CCDC180: variants seen among roughly 807,000 people sequenced by gnomAD.
CCDC180 encodes coiled-coil domain containing 180.
In CCDC180, 154 loss-of-function variants were observed where a neutral mutation model predicts 209.2. That is an observed-to-expected ratio of 0.74 (90% CI 0.65 to 0.84). The LOEUF (loss-of-function observed/expected upper bound fraction) is 0.84. CCDC180 is among the 40% of genes least tolerant of loss of function. CCDC180 has a pLI of 0.00. For missense variants in CCDC180, 1,874 were observed against 1,997.3 expected (o/e 0.94, Z 1.18); for synonymous variants, 778 against 749.1 (o/e 1.04, Z -0.63).
At chr9:97,311,940 G>A (rs868709412) in intron 3 of CCDC180, among the ~76,000 whole-genome samples, 173 bp from the exon 4 acceptor site, 1 of 152,152 alleles carries the variant, frequency 6.6e-6, no homozygotes, top group Admixed American at 6.5e-5. Flanking sequence ...CCCAGGCGGC[G>A]TTTGTTGGGA....
rs902394179 is a variant in CCDC180, at chr9:97,317,143, C to G, written c.874C>G (p.Gln292Glu). 46 of 1,613,412 alleles carry G rather than the reference C, an allele frequency of 2.9e-5. No individual in the cohort carries two copies. The highest frequency in any genetic ancestry group is 3.8e-5 in the Non-Finnish European group (45 of 1,179,876). ...CAACCTGATGGAGTCCACCCTGCAG[C>G]AGGAGCTGGACAGCCGCCACCGCTG... ...FVNLMESTLQ[Q>E]ELDSRHRWQG... Residue 292 changes from glutamine (Q) to glutamate (E), a missense_variant, in exon 9 of 37, where the codon CAG becomes GAG. Coordinates refer to ENST00000529487, the MANE Select transcript of CCDC180 (RefSeq NM_020893.6).
At chr9:97,328,206 T>C in intron 16 of CCDC180, 60 bp downstream of exon 16, 1 of 1,574,268 alleles carries the variant, frequency 6.4e-7, no homozygotes, top group African/African-American at 1.4e-5. Flanking sequence ...AGAGGCTGAC[T>C]TCTTGTTATG....
intron 35 of CCDC180, among the ~76,000 whole-genome samples, chr9:97,375,235 A>C (rs1204730434): frequency 6.6e-6 from 1 of 152,212 alleles, no homozygotes; most frequent in Non-Finnish European, 1.5e-5. Context: ...CCCCCCCCAG[A>C]ACCCCAGACC....
intron 28 of CCDC180, chr9:97,363,631 AC>A (rs1826831122): frequency 1.9e-6 from 1 of 532,932 alleles, no homozygotes; most frequent in African/African-American, 1.9e-5. Context: ...TGCATGTGAT[AC>A]ACTAATGCTG....
chr9:97,365,505 T>C (rs1826893172), intron 29 of CCDC180, 168 bp from the exon 30 acceptor site: 1 of 630,874 alleles, frequency 1.6e-6, no homozygotes, highest in African/African-American at 1.8e-5. Flanking sequence ...AGTTAGCTGC[T>C]GTTATGGAGT....
At chr9:97,314,056 A>T (rs935731964) in intron 5 of CCDC180, among the ~76,000 whole-genome samples, 11 of 152,122 alleles carry the variant, frequency 7.2e-5, no homozygotes, top group African/African-American at 2.4e-4. Flanking sequence ...GAAGCCATCT[A>T]CCTGAGCCTC....
intron 22 of CCDC180, among the ~76,000 whole-genome samples, chr9:97,351,075 G>A (rs577897415): frequency 2.2e-4 from 33 of 152,298 alleles, no homozygotes; most frequent in African/African-American, 7.5e-4. Flanking sequence ...CATTTGGGTT[G>A]TTTCCATCTT....
At chr9:97,333,930 C>T (rs184907010) in intron 18 of CCDC180, among the ~76,000 whole-genome samples, 27 of 151,944 alleles carry the variant, frequency 1.8e-4, no homozygotes, top group Middle Eastern at 3.4e-3. Flanking sequence ...AAGTGATTCT[C>T]CTGCCTCAGC....
chr9:97,324,734 A>G (rs995810830), intron 13 of CCDC180, among the ~76,000 whole-genome samples: 4 of 152,204 alleles, frequency 2.6e-5, no homozygotes, highest in African/African-American at 9.6e-5. Flanking sequence ...GGAATGGCCC[A>G]AACTCCATCT....
intron 35 of CCDC180, 77 bp from the exon 36 acceptor site, chr9:97,375,377 T>G: frequency 6.4e-7 from 1 of 1,574,180 alleles, no homozygotes. Context: ...AATGCTAAGC[T>G]TTTCCAACAG....
chr9:97,366,485 G>A lies in CCDC180; in HGVS notation c.4048-74G>A, dbSNP rs1826923625. The A allele has an allele frequency of 1.3e-6, 2 of 1,503,200 alleles. No individual in the cohort carries two copies. Among genetic ancestry groups the A allele is most frequent in the Admixed American group, 3.6e-5 (2 of 54,866 alleles). 93.1% of individuals were successfully genotyped at this position (1,503,200 alleles called of 1,614,324 possible). On this transcript the variant is annotated intron_variant, in intron 30 of 36. Transcript: ENST00000529487. The surrounding 1 kb of genome is among the most constrained non-coding windows in gnomAD (Gnocchi z 4.3). ...GCTAGGGAGTGTGGAGGTGAGGGCA[G>A]GCTGGTGGATCCCAGGAGCAAGGGC...
Position 97,377,281 on chromosome 9 carries a change from G to A in CCDC180, c.*387G>A, listed in dbSNP as rs547561303. On this transcript the variant is annotated 3_prime_UTR_variant, in exon 37 of 37. Coordinates refer to ENST00000529487, the MANE Select transcript of CCDC180 (RefSeq NM_020893.6). The stretch of plus-strand genomic sequence containing the variant: ...TTAATTTAACAGAATAAACAAGTAT[G>A]GGTTATAATTGCAACTCTGCACTGG... 10 of 162,556 alleles carry A rather than the reference G, an allele frequency of 6.2e-5. No individual in the cohort carries two copies. In the South Asian group the frequency reaches 1.5e-3, roughly 25 times the overall value. The allele number at this position is 162,556 out of a possible 1,614,324, so 10.1% of individuals were successfully genotyped here.
At chr9:97,362,813 C>G (rs978799292) in intron 28 of CCDC180, among the ~76,000 whole-genome samples, 2 of 152,252 alleles carry the variant, frequency 1.3e-5, no homozygotes, top group African/African-American at 4.8e-5. Flanking sequence ...AGGTGCATAT[C>G]AGAAGCCCCA....
At position 97,307,719 on chromosome 9, in the gene CCDC180, A is replaced by G. The variant is rs1209324846; in HGVS notation, c.-169A>G. ...AGTGAAGCACAAGCAATAATCCTGT[A>G]TTATTCGCGTTCCCAGAGTCCCTTC... is the stretch of plus-strand genomic sequence containing the variant. On this transcript the variant is annotated 5_prime_UTR_variant, in exon 1 of 37. Coordinates refer to ENST00000529487, the MANE Select transcript of CCDC180 (RefSeq NM_020893.6). 1.9e-6 allele frequency: 3 copies of G among 1,612,948 alleles called. No homozygotes were observed. Among genetic ancestry groups the G allele is most frequent in the Non-Finnish European group, 2.5e-6 (3 of 1,179,000 alleles).
intron 31 of CCDC180, among the ~76,000 whole-genome samples, chr9:97,367,775 G>A (rs1826969471): frequency 1.3e-5 from 2 of 152,126 alleles, no homozygotes; most frequent in Non-Finnish European, 2.9e-5. Flanking sequence ...CGCCCAGCCA[G>A]AGCCTCAGTT....
At position 97,317,153 on chromosome 9, in the gene CCDC180, A is replaced by T. The variant is rs780128632; in HGVS notation, c.884A>T (p.Asp295Val). The T allele has an allele frequency of 1.2e-6, 2 of 1,613,230 alleles. No homozygotes were observed. Among genetic ancestry groups the T allele is most frequent in the Admixed American group, 3.3e-5 (2 of 60,018 alleles). Residue 295 changes from aspartate to valine, a missense_variant, in exon 9 of 37, where the codon GAC becomes GTC. Physicochemically the swap from Asp to Val is radical, Grantham distance 152. Coordinates refer to ENST00000529487, the MANE Select transcript of CCDC180 (RefSeq NM_020893.6). ...GAGTCCACCCTGCAGCAGGAGCTGG[A>T]CAGCCGCCACCGCTGGCAAGGCTTG... ...LMESTLQQEL[D>V]SRHRWQGLVD... is the part of the protein sequence containing the mutation.
intron 4 of CCDC180, 40 bp from the exon 5 acceptor site, chr9:97,313,196 C>A: frequency 1.5e-6 from 2 of 1,376,216 alleles, no homozygotes; most frequent in African/African-American, 1.4e-5. Flanking sequence ...TTCCTGAGAG[C>A]TCTGAAGGCA....
In CCDC180 at chr9:97,354,878, A is replaced by G. The variant is rs933640493; in HGVS notation, c.3148-14A>G. 1 of 1,595,550 alleles carries G rather than the reference A, an allele frequency of 6.3e-7. No homozygotes were observed. The highest frequency in any genetic ancestry group is 8.6e-7 in the Non-Finnish European group (1 of 1,163,128). On this transcript the variant is annotated splice_polypyrimidine_tract_variant and intron_variant, in intron 23 of 36. Transcript: ENST00000529487. ...ATTAAGCCCCTGTCCTTTACCCTTTATCTCTCTGTACAGGCCAATGATGTC... is the reference window on the plus strand; with the variant it reads ...ATTAAGCCCCTGTCCTTTACCCTTTGTCTCTCTGTACAGGCCAATGATGTC...
intron 3 of CCDC180, among the ~76,000 whole-genome samples, chr9:97,310,319 T>G (rs752837397): frequency 3.9e-5 from 6 of 152,114 alleles, no homozygotes; most frequent in African/African-American, 9.7e-5. Flanking sequence ...GACCTAGTGA[T>G]GAATTGGAGG....
Sources: allele counts gnomAD v4.1 joint callset (sites outside exome capture counted in the v4.1 genomes callset), GRCh38; gene constraint gnomAD v4.1.1; non-coding constraint Gnocchi (gnomAD v3.1); transcripts MANE v1.5; gene names NCBI Gene and HGNC (gene_info 2026-07-23, HGNC 2026-07-21).